The following PREX1 variants were observed in gnomAD, a reference collection of about 807,000 sequenced individuals.
PREX1 encodes phosphatidylinositol 3,4,5-trisphosphate-dependent Rac exchanger 1 protein.
In PREX1, 41 loss-of-function variants were observed where a neutral mutation model predicts 198.3. The observed-to-expected ratio is 0.21, with a 90% CI of 0.16 to 0.27. The LOEUF (loss-of-function observed/expected upper bound fraction) is 0.27. Among genes scored for constraint, PREX1 ranks in the 10% least tolerant of loss-of-function variants. The probability of loss-of-function intolerance (pLI) is 1.00; values close to 1 mark genes in which losing one functional copy is unlikely to be tolerated. For synonymous variants in PREX1, 843 were observed against 887.2 expected (o/e 0.95, Z 0.89); for missense variants, 1,620 against 2,200.7 (o/e 0.74, Z 5.28).
intron 1 of PREX1, among the ~76,000 whole-genome samples, chr20:48,771,162 C>A (rs998915): frequency 0.71 from 107,533 of 151,552 alleles, 39,223 homozygotes; most frequent in African/African-American, 0.87. Flanking sequence ...CTGTCATCAC[C>A]GGTTGCACAT....
rs373770440 is a variant in PREX1 at position 48,634,762 on chromosome 20, G to A, written c.4181C>T (p.Thr1394Ile). The A allele has an allele frequency of 2.5e-5, 41 of 1,613,970 alleles. No homozygotes were observed. Among genetic ancestry groups the A allele is most frequent in the Non-Finnish European group, 3.4e-5 (40 of 1,179,960 alleles). Residue 1394 changes from threonine (T) to isoleucine (I), a missense_variant, in exon 33 of 40, where the codon ACC becomes ATC. Physicochemically the swap from Thr to Ile is moderately conservative, Grantham distance 89. Transcript: ENST00000371941. ...LSPATVKEER[T>I]MLEDIWVTLS... ...CGTCACCCAGATGTCCTCCAGCATGGTCCGTTCCTCCTTCTGCAGGAAGAA... is the reference window on the plus strand; with the variant it reads ...CGTCACCCAGATGTCCTCCAGCATGATCCGTTCCTCCTTCTGCAGGAAGAA...
At chr20:48,656,258 G>T (rs1031963303) in intron 18 of PREX1, among the ~76,000 whole-genome samples, 1 of 151,976 alleles carries the variant, frequency 6.6e-6, no homozygotes, top group Non-Finnish European at 1.5e-5. Context: ...CCCCTAGCAC[G>T]GGTCTGCTCC....
At chr20:48,629,008 G>C (rs1201849182) in intron 37 of PREX1, among the ~76,000 whole-genome samples, 1 of 152,180 alleles carries the variant, frequency 6.6e-6, no homozygotes, top group African/African-American at 2.4e-5. Context: ...TGAGTGGGGA[G>C]AGTGGGCACA....
intron 6 of PREX1, among the ~76,000 whole-genome samples, chr20:48,702,512 G>A (rs918994726): frequency 9.9e-5 from 15 of 152,252 alleles, no homozygotes; most frequent in Non-Finnish European, 1.8e-4. Flanking sequence ...CCTTGTGCCA[G>A]GTGTGGTCAC....
At position 48,676,221 on chromosome 20, in the gene PREX1, C is replaced by T. The variant is rs2089707987; in HGVS notation, c.1637G>A (p.Ser546Asn). 2 of 1,614,098 alleles carry T rather than the reference C, an allele frequency of 1.2e-6. No individual in the cohort carries two copies. The highest frequency in any genetic ancestry group is 1.7e-6 in the Non-Finnish European group (2 of 1,179,980). The change falls in exon 14 of 40, where the codon AGC becomes AAC. Residue 546 changes from serine (S) to asparagine (N), a missense_variant. By Grantham distance (46) the Ser-to-Asn change is conservative. This residue lies in a region of PREX1 where 488 missense variants were observed against 802.5 expected (regional missense o/e 0.61). Transcript: ENST00000371941. ...AGCCAGCAGCCAGTCCACCAGCTTG[C>T]TCCCGGGAAGCACTGACTTGTAGGT... Reference protein sequence around the residue: ...LKTYKSVLPGSKLVDWLLAQG... With the variant: ...LKTYKSVLPGNKLVDWLLAQG...
chr20:48,634,160 A>G (rs55933635), intron 33 of PREX1, among the ~76,000 whole-genome samples: 2,954 of 112,984 alleles, frequency 0.026, 102 homozygotes, highest in African/African-American at 0.082. Context: ...GGATGGATGG[A>G]TGGATGGATG....
chr20:48,695,693 C>A (rs1363600422), intron 7 of PREX1, among the ~76,000 whole-genome samples: 1 of 152,164 alleles, frequency 6.6e-6, no homozygotes, highest in Admixed American at 6.5e-5. Flanking sequence ...TGTTTATTGG[C>A]GATCTGGTGC....
At chr20:48,720,229 T>C (rs1167810172) in intron 5 of PREX1, among the ~76,000 whole-genome samples, 3 of 152,176 alleles carry the variant, frequency 2.0e-5, no homozygotes, top group African/African-American at 7.2e-5. Context: ...CCTGAGTGAC[T>C]CCTGGTCCTT....
At chr20:48,685,174 C>G (rs891764117) in intron 10 of PREX1, among the ~76,000 whole-genome samples, 3 of 152,232 alleles carry the variant, frequency 2.0e-5, no homozygotes, top group Admixed American at 2.0e-4. Context: ...CTATTCCCGA[C>G]TGGCACATAG....
chr20:48,708,038 T>G (rs2089911614), intron 6 of PREX1, among the ~76,000 whole-genome samples: 1 of 152,118 alleles, frequency 6.6e-6, no homozygotes. Flanking sequence ...ACTATTTCCA[T>G]GAGATATAGG....
chr20:48,787,167 C>T (rs114792934), intron 1 of PREX1, among the ~76,000 whole-genome samples: 8 of 152,254 alleles, frequency 5.3e-5, no homozygotes, highest in East Asian at 1.9e-4. Flanking sequence ...CAGTGCCCAC[C>T]GCCCCTCAAC....
At chr20:48,681,007 T>C (rs981647910) in intron 11 of PREX1, among the ~76,000 whole-genome samples, 3 of 152,190 alleles carry the variant, frequency 2.0e-5, no homozygotes, top group African/African-American at 4.8e-5. Flanking sequence ...AAGGGACAGA[T>C]AAAAGATTCT....
chr20:48,724,666 AT>A (rs1337658958), intron 5 of PREX1, among the ~76,000 whole-genome samples: 1 of 152,270 alleles, frequency 6.6e-6, no homozygotes, highest in Non-Finnish European at 1.5e-5. Flanking sequence ...CATAGGCTGT[AT>A]AAAAACAGGC....
intron 4 of PREX1, among the ~76,000 whole-genome samples, chr20:48,728,648 C>G (rs2090020084): frequency 6.6e-6 from 1 of 152,202 alleles, no homozygotes; most frequent in Non-Finnish European, 1.5e-5. Context: ...GTGATGTCAG[C>G]TCTGGGCAGA....
upstream of PREX1, among the ~76,000 whole-genome samples, chr20:48,829,118 C>T (rs916876881): frequency 2.6e-5 from 4 of 152,244 alleles, no homozygotes; most frequent in East Asian, 3.8e-4. Context: ...AGAAAGTTCT[C>T]TGTAAATGTT....
Position 48,794,424 on chromosome 20 carries a change from A to C in PREX1, c.219+33218T>G, listed in dbSNP as rs2090351407. The stretch of plus-strand genomic sequence containing the variant: ...AGCTAACCAGGACAATGAAAACAAG[A>C]GCTCTCTCTCCACTCCAGAAGGAAA... On this transcript the variant is annotated intron_variant, in intron 1 of 39. Coordinates refer to ENST00000371941, the MANE Select transcript of PREX1 (RefSeq NM_020820.4). 2.0e-5 allele frequency among the ~76,000 whole-genome samples: 3 copies of C among 152,218 alleles called. No individual in the cohort carries two copies. In the South Asian group the frequency reaches 6.2e-4, roughly 31 times the overall value.
At chr20:48,864,262 C>T in the PREX1 span, among the ~76,000 whole-genome samples, 2 of 152,162 alleles carry the variant, frequency 1.3e-5, no homozygotes, top group Non-Finnish European at 2.9e-5. Context: ...ACTTATTCCT[C>T]CAGTGAATAT....
At chr20:48,701,616 G>A (rs2089874797) in intron 6 of PREX1, among the ~76,000 whole-genome samples, 1 of 151,874 alleles carries the variant, frequency 6.6e-6, no homozygotes, top group African/African-American at 2.4e-5. Context: ...ATGCCCCTTT[G>A]GTAAGGACAG....
intron 29 of PREX1, among the ~76,000 whole-genome samples, chr20:48,640,836 CAAG>C (rs1052184419): frequency 3.0e-4 from 39 of 128,352 alleles, no homozygotes; most frequent in African/African-American, 1.1e-3. Flanking sequence ...GATGGACAGA[CAAG>C]AAGATGGATG....
Sources: allele counts gnomAD v4.1 joint callset (sites outside exome capture counted in the v4.1 genomes callset), GRCh38; gene constraint gnomAD v4.1.1; regional missense constraint gnomAD v4.1.1; transcripts MANE v1.5; gene names NCBI Gene and HGNC (gene_info 2026-07-23, HGNC 2026-07-21).